Variants in RANBP17 observed in about 807,000 individuals in gnomAD.
RANBP17 encodes the protein RAN binding protein 17.
Under a neutral mutation model 141.2 loss-of-function variants are expected in RANBP17, and 158 were observed. The ratio of observed to expected loss-of-function variants is 1.12; its 90% CI spans 0.98 to 1.28. The LOEUF is 1.28. RANBP17 is among the 50% of genes most tolerant of loss of function. RANBP17 has a pLI of 0.00. For missense variants in RANBP17, 1,438 were observed against 1,290.7 expected (o/e 1.11, Z -1.75); for synonymous variants, 430 against 450.0 (o/e 0.96, Z 0.56).
intron 14 of RANBP17, among the ~76,000 whole-genome samples, chr5:170,998,065 C>T (rs1778943136): frequency 6.7e-6 from 1 of 149,386 alleles, no homozygotes; most frequent in Non-Finnish European, 1.5e-5. Context: ...GCCTGGCTAA[C>T]ATGGAGAAAC....
intron 22 of RANBP17, among the ~76,000 whole-genome samples, chr5:171,231,443 C>A (rs1242745728): frequency 1.3e-5 from 2 of 152,086 alleles, no homozygotes; most frequent in African/African-American, 4.8e-5. Flanking sequence ...TACTCTAAGA[C>A]TATACGTAGG....
intron 14 of RANBP17, among the ~76,000 whole-genome samples, chr5:171,103,240 G>C (rs1403818569): frequency 2.9e-4 from 44 of 152,184 alleles, no homozygotes; most frequent in Admixed American, 2.9e-3. Context: ...AGGGAGATGG[G>C]AACTTTATCT....
chr5:171,049,953 C>T (rs1032074271), intron 14 of RANBP17, among the ~76,000 whole-genome samples: 6 of 152,026 alleles, frequency 3.9e-5, no homozygotes, highest in Non-Finnish European at 8.8e-5. Flanking sequence ...GGTATTTGGG[C>T]TCATTTTTGT....
intron 14 of RANBP17, among the ~76,000 whole-genome samples, chr5:171,007,385 A>T (rs1434116219): frequency 6.6e-6 from 1 of 152,018 alleles, no homozygotes; most frequent in Non-Finnish European, 1.5e-5. Flanking sequence ...TAGAAGGGTT[A>T]TAGGGTAGGG....
chr5:171,102,802 T>A (rs1400199985), intron 14 of RANBP17, among the ~76,000 whole-genome samples: 1 of 152,100 alleles, frequency 6.6e-6, no homozygotes, highest in Non-Finnish European at 1.5e-5. Context: ...CTTTTTTTTT[T>A]ATGTTGATGC....
chr5:171,185,016 G>A (rs1056826614), intron 18 of RANBP17, among the ~76,000 whole-genome samples: 7 of 151,990 alleles, frequency 4.6e-5, no homozygotes, highest in Non-Finnish European at 7.4e-5. Flanking sequence ...TACAAAATTA[G>A]CCAGGCATGG....
At chr5:170,889,692 G>A (rs188122360) in intron 3 of RANBP17, among the ~76,000 whole-genome samples, 73 of 152,224 alleles carry the variant, frequency 4.8e-4, no homozygotes, top group African/African-American at 1.5e-3. Flanking sequence ...CTTTTGACAC[G>A]CAAAGGACCT....
chr5:171,098,265 C>T (rs1441777322), intron 14 of RANBP17, among the ~76,000 whole-genome samples: 1 of 152,014 alleles, frequency 6.6e-6, no homozygotes, highest in Non-Finnish European at 1.5e-5. Context: ...ATTATAAAAG[C>T]GTTTCTATTT....
At chr5:171,089,829 C>T (rs1209963098) in intron 14 of RANBP17, among the ~76,000 whole-genome samples, 4 of 152,226 alleles carry the variant, frequency 2.6e-5, no homozygotes, top group Non-Finnish European at 4.4e-5. Context: ...GCGCACGGTG[C>T]GTGCACCCAC....
chr5:171,275,573 A>G (rs1034119688), intron 25 of RANBP17, among the ~76,000 whole-genome samples: 1 of 152,190 alleles, frequency 6.6e-6, no homozygotes, highest in Non-Finnish European at 1.5e-5. Context: ...TATGATATTT[A>G]AGCACCTTAG....
At chr5:171,021,995 C>CGTTG (rs1780889896) in intron 14 of RANBP17, among the ~76,000 whole-genome samples, 1 of 151,728 alleles carries the variant, frequency 6.6e-6, no homozygotes, top group South Asian at 2.1e-4. Context: ...CCTGTTGTTG[C>CGTTG]ATTGTTTGTT....
intron 4 of RANBP17, 140 bp downstream of exon 4, chr5:170,892,693 C>A: frequency 1.6e-6 from 1 of 640,818 alleles, no homozygotes; most frequent in Non-Finnish European, 2.6e-6. Flanking sequence ...TCCTCTGGAT[C>A]CTTTATCATT....
intron 19 of RANBP17, among the ~76,000 whole-genome samples, chr5:171,205,233 C>CT (rs1248628823): frequency 1.3e-5 from 2 of 151,910 alleles, no homozygotes; most frequent in Non-Finnish European, 2.9e-5. Context: ...CAATCCTCAT[C>CT]TTTTTTTTCA....
chr5:171,135,909 C>G (rs1757244475), intron 14 of RANBP17, among the ~76,000 whole-genome samples: 1 of 152,152 alleles, frequency 6.6e-6, no homozygotes, highest in Non-Finnish European at 1.5e-5. Context: ...CCAGTGCCGC[C>G]TGCAATCAAA....
chr5:170,895,041 G>A (rs1240886475), intron 4 of RANBP17, among the ~76,000 whole-genome samples: 2 of 152,096 alleles, frequency 1.3e-5, no homozygotes, highest in Admixed American at 1.3e-4. Context: ...CCACACTTTG[G>A]GGAACATTAA....
rs191734715 is a variant in RANBP17, at chr5:171,154,921, C to T, written c.1711-15209C>T. On this transcript the variant is annotated intron_variant, in intron 14 of 27. Transcript: ENST00000523189. ...TGAAACCCTGTCTCTACTAAAAATA[C>T]GAAAAATTAGCCGGGCATGGTGGCG... is the stretch of plus-strand genomic sequence containing the variant. Among the ~76,000 whole-genome samples, 387 of 151,044 alleles carry T rather than the reference C, an allele frequency of 2.6e-3. 2 individuals carry two copies. The highest frequency in any genetic ancestry group is 4.0e-3 in the Non-Finnish European group (274 of 67,708).
At chr5:170,863,770 T>G (rs2127295727) in intron 1 of RANBP17, 1 of 152,334 alleles carries the variant, frequency 6.6e-6, no homozygotes, top group Non-Finnish European at 1.5e-5. Flanking sequence ...TCTTCATATT[T>G]AGGCACAGTG....
intron 14 of RANBP17, among the ~76,000 whole-genome samples, chr5:171,097,608 T>TTTTTTATTATTA (rs767720538): frequency 1.4e-5 from 2 of 141,392 alleles, no homozygotes; most frequent in African/African-American, 5.2e-5. Flanking sequence ...ATGTAGTCTT[T>TTTTTTATTATTA]TTATTATTAT....
chr5:170,977,327 T>TA (rs879304559), intron 14 of RANBP17, among the ~76,000 whole-genome samples: 61 of 148,284 alleles, frequency 4.1e-4, no homozygotes, highest in African/African-American at 1.3e-3. Context: ...TGAATATGAT[T>TA]AAAAAAAAAA....
Sources: allele counts gnomAD v4.1 joint callset (sites outside exome capture counted in the v4.1 genomes callset), GRCh38; gene constraint gnomAD v4.1.1; transcripts MANE v1.5; gene names NCBI Gene and HGNC (gene_info 2026-07-23, HGNC 2026-07-21).